Variants in RBL2 observed in about 807,000 individuals in gnomAD.
RBL2 encodes RB transcriptional corepressor like 2.
A neutral mutation model predicts 126.0 loss-of-function variants in RBL2; 56 were observed. That is an observed-to-expected ratio of 0.44 (90% CI 0.36 to 0.56). RBL2 has a LOEUF of 0.56. Ranked by LOEUF, RBL2 falls within the 20% of genes least tolerant of loss-of-function variation. The pLI, the probability that RBL2 is intolerant of heterozygous loss-of-function variation, is 0.00. For missense variants in RBL2, 1,229 were observed against 1,398.2 expected (o/e 0.88, Z 1.93); for synonymous variants, 454 against 478.5 (o/e 0.95, Z 0.67).
intron 21 of RBL2, among the ~76,000 whole-genome samples, chr16:53,485,119 ACT>A (rs1290185839): frequency 2.0e-5 from 3 of 152,150 alleles, no homozygotes; most frequent in Admixed American, 6.5e-5. Context: ...TTTATAGAAC[ACT>A]CTCTAACAAA....
chr16:53,462,765 A>G, intron 11 of RBL2, 110 bp downstream of exon 11: 1 of 662,688 alleles, frequency 1.5e-6, no homozygotes. Context: ...TTCATACACA[A>G]AAGTTTTTAA....
chr16:53,459,316 A>C (rs570435988), intron 8 of RBL2, 135 bp from the exon 9 acceptor site: 1 of 694,590 alleles, frequency 1.4e-6, no homozygotes, highest in South Asian at 2.0e-5. Flanking sequence ...GAGTCACTAA[A>C]ATTTATTGAT....
At position 53,459,566 on chromosome 16, in the gene RBL2, T is replaced by C. The variant is rs761181775; in HGVS notation, c.1295T>C (p.Met432Thr). Residue 432 changes from methionine to threonine, a missense_variant, in exon 9 of 22, where the codon ATG (methionine) becomes ACG (threonine). Met to Thr is a moderately conservative substitution (Grantham distance 81). Around this residue, in one of 2 missense-constraint regions of RBL2, gnomAD observed 1,070 missense variants for 1,274.3 expected, o/e 0.84. Transcript: ENST00000262133. ...ATHSLSRLHTMLTGLRNAPSE... is the reference protein window; with the variant it reads ...ATHSLSRLHTTLTGLRNAPSE... The stretch of plus-strand genomic sequence containing the variant: ...CATAGCTTGAGTCGTCTTCACACCA[T>C]GCTGACAGGCCTCAGGAATGCACCA... The C allele has an allele frequency of 7.5e-6, 12 of 1,604,382 alleles. No homozygotes were observed. Among genetic ancestry groups the C allele is most frequent in the Middle Eastern group, 3.3e-4 (2 of 6,004 alleles).
At chr16:53,444,245 CATAA>C (rs112791648) in intron 3 of RBL2, among the ~76,000 whole-genome samples, 1 of 151,330 alleles carries the variant, frequency 6.6e-6, no homozygotes, top group African/African-American at 2.4e-5. Flanking sequence ...AACTCCATCT[CATAA>C]ATAAATAAGT....
intron 15 of RBL2, 93 bp downstream of exon 15, chr16:53,470,278 G>A: frequency 6.4e-7 from 1 of 1,558,756 alleles, no homozygotes; most frequent in Non-Finnish European, 8.7e-7. Flanking sequence ...AGGGGACAGA[G>A]GAGTGATGGG....
Position 53,480,775 on chromosome 16 carries a change from T to G in RBL2, c.3084+6T>G, listed in dbSNP as rs778590475. On this transcript the variant is annotated splice_donor_region_variant and intron_variant, in intron 20 of 21. Transcript: ENST00000262133. ...TGAAGTACTCACAGGCAAATGTAAG[T>G]ATGACAGGGATTATTTCATACTTTT... 7 of 1,607,254 alleles carry G rather than the reference T, an allele frequency of 4.4e-6. No individual in the cohort carries two copies. The highest frequency in any genetic ancestry group is 6.0e-6 in the Non-Finnish European group (7 of 1,175,336).
intron 11 of RBL2, among the ~76,000 whole-genome samples, 179 bp from the exon 12 acceptor site, chr16:53,464,047 C>T (rs1045868182): frequency 5.3e-5 from 8 of 151,992 alleles, no homozygotes; most frequent in African/African-American, 1.9e-4. Context: ...TATATTTCCT[C>T]TACTAAAAAA....
chr16:53,435,550 C>T (rs2057950527), intron 1 of RBL2: 1 of 1,202,010 alleles, frequency 8.3e-7, no homozygotes, highest in Non-Finnish European at 1.1e-6. Flanking sequence ...CCATTCTAGC[C>T]AGTGAGTGTC....
chr16:53,439,076 A>G lies in RBL2; in HGVS notation c.301A>G (p.Thr101Ala), dbSNP rs2057987326. Residue 101 changes from threonine to alanine, a missense_variant, in exon 2 of 22, where the codon ACT becomes GCT. Physicochemically the swap from Thr to Ala is moderately conservative, Grantham distance 58. Coordinates refer to ENST00000262133, the MANE Select transcript of RBL2 (RefSeq NM_005611.4). Reference sequence around the variant, plus strand: ...TGTGGCTTGCAGAAAATCTGTTCCAACTGTAAGCAAAGGGACAGTGGAAGG... The same window carrying G: ...TGTGGCTTGCAGAAAATCTGTTCCAGCTGTAAGCAAAGGGACAGTGGAAGG... ...LYVACRKSVP[T>A]VSKGTVEGNY... is the part of the protein sequence containing the mutation. 6.2e-7 allele frequency: 1 copy of G among 1,609,142 alleles called. No homozygotes were observed. The highest frequency in any genetic ancestry group is 1.3e-5 in the African/African-American group (1 of 74,836).
chr16:53,443,632 C>A (rs1383433457), intron 3 of RBL2, among the ~76,000 whole-genome samples: 1 of 152,074 alleles, frequency 6.6e-6, no homozygotes, highest in Non-Finnish European at 1.5e-5. Context: ...CCTTCTTTAT[C>A]ATTGAAAGTT....
At chr16:53,453,327 ACT>A in intron 5 of RBL2, 123 bp from the exon 6 acceptor site, 1 of 828,738 alleles carries the variant, frequency 1.2e-6, no homozygotes, top group Non-Finnish European at 1.8e-6. Context: ...GCCCATATAT[ACT>A]GTTTCCTATA....
chr16:53,449,934 T>A (rs2058098686), intron 4 of RBL2, among the ~76,000 whole-genome samples: 1 of 151,674 alleles, frequency 6.6e-6, no homozygotes, highest in East Asian at 1.9e-4. Flanking sequence ...CATTTCAGCT[T>A]TTTATTAGAT....
Position 53,470,181 on chromosome 16 carries a change from G to A in RBL2, c.2241G>A (p.Val747=). The A allele has an allele frequency of 6.2e-7, 1 of 1,603,406 alleles. No individual in the cohort carries two copies. The highest frequency in any genetic ancestry group is 2.2e-5 in the East Asian group (1 of 44,646). The part of the protein sequence containing the change: ...ANNGQTVTIP[V]QGIANENGGI... ...ATGGGCAAACGGTAACCATTCCTGT[G>A]CAAGGTAAGGAAGGCAGAGTTGGAT... is the stretch of plus-strand genomic sequence containing the variant. The change falls in exon 15 of 22, where the codon GTG becomes GTA. Residue 747 remains valine, a synonymous_variant. Transcript: ENST00000262133.
chr16:53,450,314 G>A (rs2058103144), intron 4 of RBL2, among the ~76,000 whole-genome samples: 1 of 152,172 alleles, frequency 6.6e-6, no homozygotes, highest in African/African-American at 2.4e-5. Flanking sequence ...TGGAGGAACA[G>A]AGAGAAAGGG....
At chr16:53,476,016 A>C (rs775177836) in intron 17 of RBL2, among the ~76,000 whole-genome samples, 6 of 150,812 alleles carry the variant, frequency 4.0e-5, no homozygotes, top group Non-Finnish European at 8.9e-5. Context: ...TAGATACGAG[A>C]TTTTGCTGTG....
intron 12 of RBL2, chr16:53,464,782 T>C: frequency 6.5e-6 from 1 of 153,380 alleles, no homozygotes; most frequent in Non-Finnish European, 1.4e-5. Flanking sequence ...GTTAAAGCAT[T>C]GATTTGGTAG....
At chr16:53,453,818 G>C in intron 7 of RBL2, 49 bp downstream of exon 7, 1 of 1,427,542 alleles carries the variant, frequency 7.0e-7, no homozygotes, top group Non-Finnish European at 9.6e-7. Context: ...TGTATACTTA[G>C]GAAACTTCAG....
intron 1 of RBL2, chr16:53,435,583 C>G (rs555126036): frequency 3.2e-6 from 4 of 1,242,202 alleles, no homozygotes; most frequent in Non-Finnish European, 4.1e-6. Context: ...ACCTCCCCTT[C>G]ATGGGCCAAT....
chr16:53,465,719 T>TA, intron 13 of RBL2, 117 bp downstream of exon 13: 2 of 823,660 alleles, frequency 2.4e-6, no homozygotes, highest in Non-Finnish European at 3.4e-6. Flanking sequence ...TACACCTTGT[T>TA]ATGAGAAAAA....
Sources: allele counts gnomAD v4.1 joint callset (sites outside exome capture counted in the v4.1 genomes callset), GRCh38; gene constraint gnomAD v4.1.1; regional missense constraint gnomAD v4.1.1; transcripts MANE v1.5; gene names NCBI Gene and HGNC (gene_info 2026-07-23, HGNC 2026-07-21).